ANK3: variants seen among roughly 807,000 people sequenced by gnomAD.
ANK3 encodes ankyrin-3.
Under a neutral mutation model 370.9 loss-of-function variants are expected in ANK3, and 57 were observed. The ratio of observed to expected loss-of-function variants is 0.15; its 90% CI spans 0.12 to 0.19. The LOEUF (loss-of-function observed/expected upper bound fraction) is 0.19, where lower values mean the gene tolerates loss of function less well. Ranked by LOEUF, ANK3 falls within the 10% of genes least tolerant of loss-of-function variation. The pLI, the probability that ANK3 is intolerant of heterozygous loss-of-function variation, is 1.00. For missense variants in ANK3, 4,439 were observed against 5,302.1 expected, an observed-to-expected ratio of 0.84 and a Z score of 5.06; for synonymous variants, 1,929 against 1,946.3, an observed-to-expected ratio of 0.99 and a Z score of 0.23.
At chr10:60,043,582 A>G (rs1158670196) in intron 42 of ANK3, 1 of 985,312 alleles carries the variant, frequency 1.0e-6, no homozygotes, top group Non-Finnish European at 1.2e-6. Flanking sequence ...TCAGACGAAG[A>G]TGGAGGAATT....
At chr10:60,343,181 A>G (rs1306069959) in intron 1 of ANK3, among the ~76,000 whole-genome samples, 1 of 152,162 alleles carries the variant, frequency 6.6e-6, no homozygotes, top group Admixed American at 6.5e-5. Context: ...CACTATTTCC[A>G]ATTTTCAGAA....
intron 1 of ANK3, among the ~76,000 whole-genome samples, chr10:60,371,124 A>G (rs1049959183): frequency 6.6e-6 from 1 of 152,098 alleles, no homozygotes; most frequent in African/African-American, 2.4e-5. Context: ...GCTCCCTACA[A>G]TATCTGCCAC....
intron 1 of ANK3, among the ~76,000 whole-genome samples, chr10:60,708,902 C>G (rs1368945466): frequency 6.6e-6 from 1 of 152,086 alleles, no homozygotes; most frequent in Non-Finnish European, 1.5e-5. Flanking sequence ...AACCTCAAAG[C>G]AACAGGAGAG....
chr10:60,445,459 T>C (rs181926740), intron 2 of ANK3, among the ~76,000 whole-genome samples: 20 of 150,168 alleles, frequency 1.3e-4, no homozygotes, highest in Middle Eastern at 6.9e-3. Context: ...TCATAGTAAA[T>C]AGTTATTAAG....
At chr10:60,043,774 G>A (rs943855073) in intron 42 of ANK3, 1 of 985,360 alleles carries the variant, frequency 1.0e-6, no homozygotes, top group Non-Finnish European at 1.2e-6. Flanking sequence ...ACTGCTCTGA[G>A]GTTTGGTGGT....
intron 1 of ANK3, among the ~76,000 whole-genome samples, chr10:60,367,193 A>G (rs1183458804): frequency 1.3e-5 from 2 of 152,226 alleles, no homozygotes; most frequent in Non-Finnish European, 2.9e-5. Context: ...GATAGATGGC[A>G]CAGACTGCCT....
At chr10:60,482,282 A>T (rs10994370) in intron 2 of ANK3, among the ~76,000 whole-genome samples, 1,706 of 152,292 alleles carry the variant, frequency 0.011, 28 homozygotes, top group African/African-American at 0.038. Flanking sequence ...CATTCATAAC[A>T]GGGGACACTG....
intron 28 of ANK3, among the ~76,000 whole-genome samples, chr10:60,100,727 C>T (rs770963115): frequency 2.6e-5 from 4 of 152,068 alleles, no homozygotes; most frequent in Non-Finnish European, 4.4e-5. Flanking sequence ...TCCAAGACAG[C>T]GATTGGGATT....
intron 43 of ANK3, among the ~76,000 whole-genome samples, chr10:60,033,536 A>AAAAAAAAAAAAAAC: frequency 1.0e-5 from 1 of 98,394 alleles, no homozygotes; most frequent in Non-Finnish European, 2.0e-5. Context: ...AAAAAAAAAA[A>AAAAAAAAAAAAAAC]AAACTTGGAA....
At chr10:60,487,824 C>T (rs990499300) in intron 2 of ANK3, among the ~76,000 whole-genome samples, 26 of 152,010 alleles carry the variant, frequency 1.7e-4, no homozygotes, top group African/African-American at 6.0e-4. Flanking sequence ...CAGCAATTCT[C>T]CTGCCTCAGC....
chr10:60,616,004 G>A (rs938377159), intron 1 of ANK3, among the ~76,000 whole-genome samples: 4 of 152,092 alleles, frequency 2.6e-5, no homozygotes, highest in African/African-American at 4.8e-5. Context: ...TGTAAAGAAA[G>A]GAACATTCTA....
intron 1 of ANK3, among the ~76,000 whole-genome samples, chr10:60,723,458 AT>A (rs2079893969): frequency 6.6e-6 from 1 of 152,234 alleles, no homozygotes; most frequent in African/African-American, 2.4e-5. Context: ...CTTTCCTTGC[AT>A]TTTACAGATA....
At chr10:60,565,282 G>A (rs1200493905) in intron 2 of ANK3, among the ~76,000 whole-genome samples, 1 of 152,172 alleles carries the variant, frequency 6.6e-6, no homozygotes, top group East Asian at 1.9e-4. Context: ...CATAAGGAGT[G>A]CACAACACAG....
At position 60,302,436 on chromosome 10, in the gene ANK3, A is replaced by G. The variant is rs190283092; in HGVS notation, c.115-22797T>C. ...ATTATATCAGCTATTCATTATTATA[A>G]TATCAGATATTATAATAACATTTAT... On this transcript the variant is annotated intron_variant, in intron 1 of 43. Coordinates refer to ENST00000280772, the MANE Select transcript of ANK3 (RefSeq NM_020987.5). Among the ~76,000 whole-genome samples the G allele has an allele frequency of 5.7e-3, 873 of 152,284 alleles. 7 individuals are homozygous for G. The highest frequency in any genetic ancestry group is 0.02 in the African/African-American group (838 of 41,558).
At chr10:60,246,639 C>G (rs2097560584) in intron 7 of ANK3, among the ~76,000 whole-genome samples, 1 of 152,198 alleles carries the variant, frequency 6.6e-6, no homozygotes, top group Non-Finnish European at 1.5e-5. Flanking sequence ...TGAAGTCAGG[C>G]TCTGAGTGTT....
At chr10:60,397,922 A>T (rs1471654324) in intron 2 of ANK3, among the ~76,000 whole-genome samples, 1 of 152,220 alleles carries the variant, frequency 6.6e-6, no homozygotes, top group African/African-American at 2.4e-5. Flanking sequence ...AGGGGCTGAG[A>T]GTGAACAGCA....
chr10:60,436,207 C>T (rs1305441466), intron 2 of ANK3, among the ~76,000 whole-genome samples: 2 of 152,192 alleles, frequency 1.3e-5, no homozygotes, highest in African/African-American at 4.8e-5. Context: ...TATGTTTCTC[C>T]GTTCATCAGT....
intron 1 of ANK3, among the ~76,000 whole-genome samples, chr10:60,310,189 T>C (rs1440340220): frequency 6.6e-6 from 1 of 151,898 alleles, no homozygotes; most frequent in African/African-American, 2.4e-5. Context: ...CCTCCCAGAG[T>C]GGTGGGAATA....
At chr10:60,062,289 T>C (rs2080718282) in intron 40 of ANK3, 1 of 152,166 alleles carries the variant, frequency 6.6e-6, no homozygotes, top group Admixed American at 6.6e-5. Flanking sequence ...AAAAATTCAT[T>C]GTAGGAATAA....
Sources: allele counts gnomAD v4.1 joint callset (sites outside exome capture counted in the v4.1 genomes callset), GRCh38; gene constraint gnomAD v4.1.1; transcripts MANE v1.5; gene names NCBI Gene and HGNC (gene_info 2026-07-23, HGNC 2026-07-21).